Variants in AKT2 observed in about 807,000 individuals in gnomAD.
AKT2 encodes the protein RAC-beta serine/threonine-protein kinase.
In AKT2, 16 loss-of-function variants were observed where a neutral mutation model predicts 58.6. The observed-to-expected ratio is 0.27, with a 90% CI of 0.18 to 0.41. AKT2 has a LOEUF of 0.41. Ranked by LOEUF, AKT2 falls within the 10% of genes least tolerant of loss-of-function variation. The pLI is 1.00. For synonymous variants in AKT2, 253 were observed against 254.0 expected (o/e 1.00, Z 0.04); for missense variants, 438 against 661.0 (o/e 0.66, Z 3.70).
chr19:40,238,104 G>T lies in AKT2; in HGVS notation c.709-13C>A, dbSNP rs367916768. 65 of 1,587,104 alleles carry T rather than the reference G, an allele frequency of 4.1e-5. No individual in the cohort carries two copies. In the Middle Eastern group the frequency reaches 6.9e-4, roughly 17 times the overall value. On this transcript the variant is annotated splice_polypyrimidine_tract_variant and intron_variant, in intron 8 of 13. Coordinates refer to ENST00000392038, the MANE Select transcript of AKT2 (RefSeq NM_001626.6). This position sits in a 1 kb window ranked among gnomAD's most constrained non-coding sequence, Gnocchi z 5.1. The stretch of plus-strand genomic sequence containing the variant: ...GGTGGAAGAACAGCTGCAGGAGGAA[G>T]GGGTGGGGAGAGGAGGTCAGGCCCC...
intron 1 of AKT2, chr19:40,269,387 A>G (rs1364245385): frequency 2.0e-5 from 3 of 151,782 alleles, no homozygotes; most frequent in African/African-American, 7.3e-5. Flanking sequence ...ACATAATCTC[A>G]TTAGTTACAG....
chr19:40,262,680 G>T (rs751702915), intron 2 of AKT2, among the ~76,000 whole-genome samples: 1 of 152,204 alleles, frequency 6.6e-6, no homozygotes, highest in Non-Finnish European at 1.5e-5. Context: ...CCCACTCCTT[G>T]CTGAAACCTC....
intron 1 of AKT2, among the ~76,000 whole-genome samples, chr19:40,276,438 T>C (rs1425592127): frequency 8.0e-6 from 1 of 125,002 alleles, no homozygotes; most frequent in Non-Finnish European, 1.6e-5. Context: ...CGATCTTGGC[T>C]CACTGCAACC....
intron 1 of AKT2, chr19:40,270,361 G>T (rs1298255959): frequency 6.6e-6 from 1 of 152,224 alleles, no homozygotes; most frequent in African/African-American, 2.4e-5. Context: ...GGCACAGAGT[G>T]GAGTGGGTAC....
chr19:40,243,316 T>C (rs999732382), intron 4 of AKT2: 2 of 154,184 alleles, frequency 1.3e-5, no homozygotes, highest in African/African-American at 4.8e-5. Context: ...GGAGAGAGAG[T>C]GCTCCTGTGA....
chr19:40,258,245 G>GAAAAAAAAAAAA (rs56202522), intron 2 of AKT2, among the ~76,000 whole-genome samples: 5 of 41,076 alleles, frequency 1.2e-4, no homozygotes, highest in Admixed American at 3.0e-4. Flanking sequence ...ACTCCGTCTC[G>GAAAAAAAAAAAA]AAAAAAAAAA....
At chr19:40,239,686 C>T in intron 7 of AKT2, 1 of 411,834 alleles carries the variant, frequency 2.4e-6, no homozygotes, top group Non-Finnish European at 4.7e-6. Context: ...AACACATCTG[C>T]TTCTATGAGC....
chr19:40,256,877 A>G, intron 3 of AKT2, 49 bp downstream of exon 3: 1 of 1,612,910 alleles, frequency 6.2e-7, no homozygotes, highest in African/African-American at 1.3e-5. Flanking sequence ...AAGACGTGCC[A>G]GCCATCCTGT....
At chr19:40,251,782 T>G (rs1404993841) in intron 4 of AKT2, among the ~76,000 whole-genome samples, 1 of 152,216 alleles carries the variant, frequency 6.6e-6, no homozygotes, top group Non-Finnish European at 1.5e-5. Context: ...ATCTCAGGCG[T>G]GACAGCATCA....
intron 2 of AKT2, among the ~76,000 whole-genome samples, chr19:40,261,932 TAAAA>T (rs918724690): frequency 1.1e-4 from 16 of 149,128 alleles, no homozygotes; most frequent in African/African-American, 3.9e-4. Context: ...GGATAAAAAC[TAAAA>T]AAAACCTCAT....
chr19:40,275,783 C>CGGGGG (rs2077309069), intron 1 of AKT2, among the ~76,000 whole-genome samples: 3 of 4,602 alleles, frequency 6.5e-4, no homozygotes, highest in Admixed American at 2.7e-3. Context: ...GGGGGGTGGG[C>CGGGGG]GGGGGGCGAT....
Position 40,242,239 on chromosome 19 carries a change from A to AG in AKT2, c.442-171_442-170insC. ...CTGTGTGTTCTGAAGCGGCCTTCAG[A>AG]CCAGGCTCTGCAGGCACAGGGCCTT... is the stretch of plus-strand genomic sequence containing the variant. On this transcript the variant is annotated intron_variant, in intron 5 of 13. Coordinates refer to ENST00000392038, the MANE Select transcript of AKT2 (RefSeq NM_001626.6). The surrounding 1 kb of genome is among the most constrained non-coding windows in gnomAD (Gnocchi z 4.3). The AG allele has an allele frequency of 9.5e-7, 1 of 1,047,864 alleles. No homozygotes were observed. The highest frequency in any genetic ancestry group is 1.4e-6 in the Non-Finnish European group (1 of 707,298). The allele number at this position is 1,047,864 out of a possible 1,614,324, so 64.9% of individuals were successfully genotyped here.
At chr19:40,260,344 C>A (rs1975846353) in intron 2 of AKT2, among the ~76,000 whole-genome samples, 1 of 151,218 alleles carries the variant, frequency 6.6e-6, no homozygotes, top group South Asian at 2.1e-4. Context: ...GAATATATCA[C>A]CCCGAGGCCG....
intron 4 of AKT2, among the ~76,000 whole-genome samples, chr19:40,250,663 A>G (rs1018177992): frequency 2.6e-5 from 4 of 152,006 alleles, no homozygotes; most frequent in Admixed American, 2.0e-4. Context: ...CCCCATCTCT[A>G]CAAAAAATAC....
chr19:40,265,041 C>A (rs1162083170), intron 2 of AKT2, among the ~76,000 whole-genome samples, 181 bp downstream of exon 2: 1 of 152,222 alleles, frequency 6.6e-6, no homozygotes, highest in South Asian at 2.1e-4. Context: ...TCCCTGCTCT[C>A]CTGCCCAGAT....
Position 40,232,866 on chromosome 19 carries a change from AG to A in AKT2, c.*1005del, listed in dbSNP as rs1973781321. On this transcript the variant is annotated 3_prime_UTR_variant, in exon 14 of 14. Coordinates refer to ENST00000392038, the MANE Select transcript of AKT2 (RefSeq NM_001626.6). The stretch of plus-strand genomic sequence containing the variant: ...AGAACGTGGGGCCCTGGGGAGAGGG[AG>A]GGGTGAGGGGGGCCTAGGAGCCTCC... The A allele has an allele frequency of 8.4e-6, 2 of 236,982 alleles. No homozygotes were observed. The highest frequency in any genetic ancestry group is 2.2e-5 in the African/African-American group (1 of 45,414). The allele number at this position is 236,982 out of a possible 1,614,324, so 14.7% of individuals were successfully genotyped here.
intron 4 of AKT2, chr19:40,243,253 C>G (rs1974524344): frequency 6.3e-6 from 1 of 157,916 alleles, no homozygotes; most frequent in Admixed American, 5.9e-5. Context: ...AGGAGTGACC[C>G]TCTCTTTTCA....
Position 40,235,937 on chromosome 19 carries a change from C to T in AKT2, c.1128G>A (p.Glu376=). The part of the protein sequence containing the change: ...EIRFPRTLSP[E]AKSLLAGLLK... The stretch of plus-strand genomic sequence containing the variant: ...GCAGCCCAGCAAGCAGGGACTTGGC[C>T]TCGGGGCTGAGCGTGCGCGGGAAGC... The change falls in exon 11 of 14, where the codon GAG becomes GAA. Residue 376 remains glutamate, a synonymous_variant. Transcript: ENST00000392038. The surrounding 1 kb of genome is among the most constrained non-coding windows in gnomAD (Gnocchi z 6.3). 1 of 1,613,764 alleles carries T rather than the reference C, an allele frequency of 6.2e-7. No homozygotes were observed. Among genetic ancestry groups the T allele is most frequent in the Admixed American group, 1.7e-5 (1 of 60,014 alleles).
rs765587103 is a variant in AKT2, at chr19:40,232,416, TAAC to T, written c.*1453_*1455del. 6 of 233,614 alleles carry T rather than the reference TAAC, an allele frequency of 2.6e-5. 1 individual carries two copies. Among genetic ancestry groups the T allele is most frequent in the African/African-American group, 2.2e-5 (1 of 45,316 alleles). The allele number at this position is 233,614 out of a possible 1,614,324, so 14.5% of individuals were successfully genotyped here. A position where few individuals can be genotyped will look rare whatever the true frequency, so the allele number is the denominator to read the frequency against. The stretch of plus-strand genomic sequence containing the variant: ...CCAGTAGGGACGGAGAACTGTCAGA[TAAC>T]AACATCGCACACAGAGGAAAAAGAC... On this transcript the variant is annotated 3_prime_UTR_variant, in exon 14 of 14. Coordinates refer to ENST00000392038, the MANE Select transcript of AKT2 (RefSeq NM_001626.6).
Sources: allele counts gnomAD v4.1 joint callset (sites outside exome capture counted in the v4.1 genomes callset), GRCh38; gene constraint gnomAD v4.1.1; non-coding constraint Gnocchi (gnomAD v3.1); transcripts MANE v1.5; gene names NCBI Gene and HGNC (gene_info 2026-07-23, HGNC 2026-07-21).